SLC11A2: variants seen among roughly 807,000 people sequenced by gnomAD.
The protein encoded by SLC11A2 is natural resistance-associated macrophage protein 2.
A neutral mutation model predicts 68.0 loss-of-function variants in SLC11A2; 38 were observed. The observed-to-expected ratio is 0.56, with a 90% CI of 0.43 to 0.73. The LOEUF is 0.73. Ranked by LOEUF, SLC11A2 falls within the 30% of genes least tolerant of loss-of-function variation. The pLI is 0.00. For synonymous variants in SLC11A2, 242 were observed against 250.6 expected (o/e 0.97, Z 0.32); for missense variants, 517 against 690.5 (o/e 0.75, Z 2.82).
At chr12:50,957,940 GTGTGTGTGTGTGTGTGT>G in the SLC11A2 span, among the ~76,000 whole-genome samples, 1 of 64,866 alleles carries the variant, frequency 1.5e-5, no homozygotes, top group African/African-American at 9.8e-5. Flanking sequence ...AATTGGAGGT[GTGTGTGTGTGTGTGTGT>G]GTGTGTGTGT....
At chr12:50,954,893 C>T in the SLC11A2 span, among the ~76,000 whole-genome samples, 2 of 152,102 alleles carry the variant, frequency 1.3e-5, no homozygotes, top group African/African-American at 2.4e-5. Flanking sequence ...TGAGCATGAA[C>T]TTTGGAGTGG....
At chr12:51,026,514 T>A, upstream of SLC11A2, 3 of 459,348 alleles carry the variant, frequency 6.5e-6, no homozygotes, top group Non-Finnish European at 1.1e-5. Flanking sequence ...CCACGCGGAG[T>A]CTGGATGCGG....
chr12:50,995,077 G>A (rs1331650549), intron 10 of SLC11A2: 15 of 234,984 alleles, frequency 6.4e-5, no homozygotes, highest in South Asian at 5.7e-5. Flanking sequence ...TTGAGAGGCC[G>A]AGGCAGGTGG....
chr12:50,991,738 A>G (rs1941173505), intron 13 of SLC11A2, 66 bp from the exon 14 acceptor site: 2 of 1,209,836 alleles, frequency 1.7e-6, no homozygotes, highest in South Asian at 1.2e-5. Flanking sequence ...GAACAGCACA[A>G]TTAATGAAAG....
Position 51,004,795 on chromosome 12 carries a change from T to C in SLC11A2, c.422A>G (p.Tyr141Cys), listed in dbSNP as rs1440473946. 6.2e-7 allele frequency: 1 copy of C among 1,613,838 alleles called. No homozygotes were observed. Among genetic ancestry groups the C allele is most frequent in the African/African-American group, 1.3e-5 (1 of 74,934 alleles). Residue 141 changes from tyrosine to cysteine, a missense_variant, in exon 5 of 16, where the codon TAT (tyrosine) becomes TGT (cysteine). Tyr to Cys is a radical substitution (Grantham distance 194, BLOSUM62 -2). Coordinates refer to ENST00000262052, the MANE Select transcript of SLC11A2 (RefSeq NM_000617.3). ...LHLAEVCHRQ[Y>C]PKVPRVILWL... Reference sequence around the variant, plus strand: ...GGACAATACATTGCTCACCTTGGGATACTGACGGTGACATACTTCAGCAAG... The same window carrying C: ...GGACAATACATTGCTCACCTTGGGACACTGACGGTGACATACTTCAGCAAG...
downstream of SLC11A2, among the ~76,000 whole-genome samples, chr12:50,983,021 AGTT>A (rs1727085431): frequency 6.6e-6 from 1 of 151,630 alleles, no homozygotes; most frequent in Non-Finnish European, 1.5e-5. Context: ...GGACCTGTGA[AGTT>A]GTTATTTTTT....
At chr12:51,010,533 A>G (rs959360052) in intron 2 of SLC11A2, among the ~76,000 whole-genome samples, 162 bp downstream of exon 2, 1 of 138,780 alleles carries the variant, frequency 7.2e-6, no homozygotes, top group Non-Finnish European at 1.6e-5. Flanking sequence ...AAAAAAATCC[A>G]TTTTCATTTA....
At chr12:50,969,154 T>C in the SLC11A2 span, among the ~76,000 whole-genome samples, 3 of 149,498 alleles carry the variant, frequency 2.0e-5, no homozygotes, top group African/African-American at 7.4e-5. Context: ...ATTAGCTGGG[T>C]GTGGTGGCGC....
rs1366900750 is a variant in SLC11A2, at chr12:50,997,192, C to A, written c.676-220G>T. 2.0e-5 allele frequency among the ~76,000 whole-genome samples: 3 copies of A among 152,110 alleles called. No homozygotes were observed. The East Asian group carries it at 5.8e-4, about 29-fold the overall frequency. ...TCCCAAGAACAAGCAATCTTCCCAC[C>A]TCAGCCACCCAAAGTGCTGGGATTA... On this transcript the variant is annotated intron_variant, in intron 8 of 15. Coordinates refer to ENST00000262052, the MANE Select transcript of SLC11A2 (RefSeq NM_000617.3).
Position 50,986,657 on chromosome 12 carries a change from C to T in SLC11A2, c.*1668G>A. The stretch of plus-strand genomic sequence containing the variant: ...CAGTCCCCAATATCTTCACAGAGTG[C>T]CTTTATGACCAGTTTGGAGAATTAC... On this transcript the variant is annotated 3_prime_UTR_variant, in exon 16 of 16. Transcript: ENST00000262052. 7.8e-7 allele frequency: 1 copy of T among 1,286,536 alleles called. No homozygotes were observed. The highest frequency in any genetic ancestry group is 1.0e-6 in the Non-Finnish European group (1 of 988,280). The allele number at this position is 1,286,536 out of a possible 1,614,324, so 79.7% of individuals were successfully genotyped here.
At chr12:50,980,444 T>A (rs1939957688), downstream of SLC11A2, 1 of 152,972 alleles carries the variant, frequency 6.5e-6, no homozygotes, top group Admixed American at 6.5e-5. Context: ...TACAGTGAAC[T>A]GAGATCACGT....
In SLC11A2 at chr12:50,995,538, A is replaced by G. The variant is rs947377242; in HGVS notation, c.990+91T>C. ...TAGAGATTATTTCTCCTGAACATTA[A>G]CACTAGGATGAGGTATTTTCCTTCC... is the stretch of plus-strand genomic sequence containing the variant. On this transcript the variant is annotated intron_variant, in intron 10 of 15. Transcript: ENST00000262052. 28 of 1,255,334 alleles carry G rather than the reference A, an allele frequency of 2.2e-5. No homozygotes were observed. In the African/African-American group the frequency reaches 4.0e-4, roughly 18 times the overall value. 77.8% of individuals were successfully genotyped at this position (1,255,334 alleles called of 1,614,324 possible).
the SLC11A2 span, among the ~76,000 whole-genome samples, chr12:50,962,232 TACACACACACAC>T: frequency 2.1e-5 from 3 of 146,292 alleles, no homozygotes; most frequent in African/African-American, 5.0e-5. Context: ...CTAAAAAAAT[TACACACACACAC>T]ACACACACAC....
chr12:51,025,178 G>A (rs923259751), intron 1 of SLC11A2, among the ~76,000 whole-genome samples: 2 of 152,148 alleles, frequency 1.3e-5, no homozygotes, highest in Non-Finnish European at 2.9e-5. Context: ...AGTATAGGCC[G>A]GCGGGTTCAC....
rs1486710538 is a variant in SLC11A2 at position 50,988,015 on chromosome 12, C to T, written c.*310G>A. ...ACATATAGCCTGGTTAAGAATCATGCATATCCTTGTCTCTCCGAAGGATAA... is the reference window on the plus strand; with the variant it reads ...ACATATAGCCTGGTTAAGAATCATGTATATCCTTGTCTCTCCGAAGGATAA... On this transcript the variant is annotated 3_prime_UTR_variant, in exon 16 of 16. Coordinates refer to ENST00000262052, the MANE Select transcript of SLC11A2 (RefSeq NM_000617.3). 3.0e-6 allele frequency: 4 copies of T among 1,346,944 alleles called. No homozygotes were observed. In the African/African-American group the frequency reaches 5.9e-5, roughly 20 times the overall value. 83.4% of individuals were successfully genotyped at this position (1,346,944 alleles called of 1,614,324 possible).
downstream of SLC11A2, among the ~76,000 whole-genome samples, chr12:50,983,387 T>C (rs910186532): frequency 6.6e-6 from 1 of 152,224 alleles, no homozygotes; most frequent in Admixed American, 6.5e-5. Flanking sequence ...TATAAATTTA[T>C]TGGTAGCAAC....
intron 14 of SLC11A2, 90 bp downstream of exon 14, chr12:50,991,509 T>C: frequency 1.0e-6 from 1 of 989,292 alleles, no homozygotes; most frequent in Non-Finnish European, 1.6e-6. Context: ...ATCGCTTCCC[T>C]CTGTGTCTCA....
chr12:50,989,486 G>C (rs1434335522), intron 15 of SLC11A2, among the ~76,000 whole-genome samples: 2 of 152,144 alleles, frequency 1.3e-5, no homozygotes, highest in Non-Finnish European at 1.5e-5. Flanking sequence ...GAAAAACTCT[G>C]TCTCAAAAAT....
At chr12:51,018,203 T>C (rs989176196) in intron 1 of SLC11A2, among the ~76,000 whole-genome samples, 1 of 152,140 alleles carries the variant, frequency 6.6e-6, no homozygotes, top group African/African-American at 2.4e-5. Context: ...GAGACCAGCC[T>C]GGCCAACATG....
Sources: gnomAD v4.1 joint callset for allele counts (sites outside exome capture counted in the v4.1 genomes callset) on GRCh38, gnomAD v4.1.1 for gene constraint, MANE v1.5 for transcripts, NCBI Gene and HGNC (gene_info 2026-07-23, HGNC 2026-07-21) for gene names.